NOP14: variants seen among roughly 807,000 people sequenced by gnomAD.
NOP14 encodes NOP14 nucleolar protein.
Under a neutral mutation model 101.6 loss-of-function variants are expected in NOP14, and 57 were observed. That is an observed-to-expected ratio of 0.56 (90% CI 0.45 to 0.70). NOP14 has a LOEUF of 0.70. Among genes scored for constraint, NOP14 ranks in the 30% least tolerant of loss-of-function variants. The pLI, the probability that NOP14 is intolerant of heterozygous loss-of-function variation, is 0.00. For synonymous variants in NOP14, 428 were observed against 424.0 expected (o/e 1.01, Z -0.12); for missense variants, 1,134 against 1,075.5 (o/e 1.05, Z -0.76).
At chr4:2,945,279 C>A in intron 11 of NOP14, 50 bp from the exon 12 acceptor site, 2 of 1,349,440 alleles carry the variant, frequency 1.5e-6, no homozygotes, top group Non-Finnish European at 2.1e-6. Flanking sequence ...GAAGTCCATC[C>A]ATATGCCCTC....
chr4:2,952,944 C>A (rs1321039576), intron 5 of NOP14, among the ~76,000 whole-genome samples: 2 of 152,174 alleles, frequency 1.3e-5, no homozygotes, highest in East Asian at 3.8e-4. Context: ...CCGTCTCAAA[C>A]AACAACAAAA....
At chr4:2,950,889 TGAGA>T in intron 7 of NOP14, 1 of 260,938 alleles carries the variant, frequency 3.8e-6, no homozygotes, top group Non-Finnish European at 6.7e-6. Context: ...AGAGAGAGAG[TGAGA>T]AAGAGAGCGT....
Position 2,938,336 on chromosome 4 carries a change from C to G in NOP14, c.*495G>C, listed in dbSNP as rs1415790633. 1 of 591,364 alleles carries G rather than the reference C, an allele frequency of 1.7e-6. No individual in the cohort carries two copies. Among genetic ancestry groups the G allele is most frequent in the Non-Finnish European group, 2.8e-6 (1 of 359,632 alleles). The allele number at this position is 591,364 out of a possible 1,614,324, so 36.6% of individuals were successfully genotyped here. A position where few individuals can be genotyped will look rare whatever the true frequency, so the allele number is the denominator to read the frequency against. On this transcript the variant is annotated 3_prime_UTR_variant, in exon 18 of 18. Coordinates refer to ENST00000416614, the MANE Select transcript of NOP14 (RefSeq NM_001291978.2). ...GGGAATTCGAGACCAGCCTGACCAACATGGAGAAACCCCGTCTCTACTAAA... is the reference window on the plus strand; with the variant it reads ...GGGAATTCGAGACCAGCCTGACCAAGATGGAGAAACCCCGTCTCTACTAAA...
intron 5 of NOP14, among the ~76,000 whole-genome samples, chr4:2,953,007 C>T (rs1044164616): frequency 9.9e-5 from 15 of 152,194 alleles, no homozygotes; most frequent in Non-Finnish European, 8.8e-5. Context: ...AGTAAAGTAA[C>T]GGTAACATCA....
rs915862943 is a variant in NOP14, at chr4:2,938,596, A to G, written c.*235T>C. 2.5e-5 allele frequency: 13 copies of G among 528,090 alleles called. No individual in the cohort carries two copies. The highest frequency in any genetic ancestry group is 6.7e-5 in the Admixed American group (2 of 30,032). The allele number at this position is 528,090 out of a possible 1,614,324, so 32.7% of individuals were successfully genotyped here. ...CAATCACGGCTCACTGTAACCTTGG[A>G]CTCAGCTCAAGCAGTCCTCCTGCTT... On this transcript the variant is annotated 3_prime_UTR_variant, in exon 18 of 18. Transcript: ENST00000416614.
intron 6 of NOP14, 113 bp from the exon 7 acceptor site, chr4:2,951,358 G>T: frequency 1.2e-6 from 1 of 860,526 alleles, no homozygotes; most frequent in Non-Finnish European, 1.8e-6. Context: ...CCAGCTCTGA[G>T]GCTGGTGCAT....
chr4:2,963,354 C>A lies in NOP14; in HGVS notation c.-35G>T. 6.6e-7 allele frequency: 1 copy of A among 1,518,130 alleles called. No homozygotes were observed. The highest frequency in any genetic ancestry group is 8.8e-7 in the Non-Finnish European group (1 of 1,141,634). 94.0% of individuals were successfully genotyped at this position (1,518,130 alleles called of 1,614,324 possible). On this transcript the variant is annotated 5_prime_UTR_variant, in exon 1 of 18. Transcript: ENST00000416614. ...CCCGCTGCGCCCAAGGGCCCGAGAC[C>A]CGAAGAGAGACAGGCGCGCGCTACC...
intron 8 of NOP14, among the ~76,000 whole-genome samples, chr4:2,949,445 C>T (rs1714866943): frequency 6.6e-6 from 1 of 152,136 alleles, no homozygotes; most frequent in African/African-American, 2.4e-5. Context: ...GCTCAAGTGA[C>T]CCACCCACCT....
At position 2,952,296 on chromosome 4, in the gene NOP14, C is replaced by T. The variant is rs1408301827; in HGVS notation, c.849G>A (p.Gln283=). The part of the protein sequence containing the change: ...KTEAELAKEE[Q]EHLRKLEAER... ...CTACCTCCAGCTTCCTGAGGTGCTC[C>T]TGCTCTTCCTTTGCCAATTCTGCCT... The change falls in exon 6 of 18, where the codon CAG becomes CAA. Residue 283 remains glutamine, a synonymous_variant. Coordinates refer to ENST00000416614, the MANE Select transcript of NOP14 (RefSeq NM_001291978.2). 2 of 1,613,798 alleles carry T rather than the reference C, an allele frequency of 1.2e-6. No individual in the cohort carries two copies. The highest frequency in any genetic ancestry group is 1.7e-6 in the Non-Finnish European group (2 of 1,179,828).
At position 2,959,486 on chromosome 4, in the gene NOP14, A is replaced by G. The variant is rs371718980; in HGVS notation, c.196-1746T>C. Reference sequence around the variant, plus strand: ...CGGGCGCCTGTAGTCCCAGCTACTCAGGAGGCTGAGGCAGGAGAATGGCGT... The same window carrying G: ...CGGGCGCCTGTAGTCCCAGCTACTCGGGAGGCTGAGGCAGGAGAATGGCGT... On this transcript the variant is annotated intron_variant, in intron 1 of 17. Coordinates refer to ENST00000416614, the MANE Select transcript of NOP14 (RefSeq NM_001291978.2). 7.0e-4 allele frequency among the ~76,000 whole-genome samples: 106 copies of G among 152,204 alleles called. 2 individuals carry two copies. Among genetic ancestry groups the G allele is most frequent in the African/African-American group, 1.3e-3 (56 of 41,532 alleles).
Position 2,944,167 on chromosome 4 carries a change from C to G in NOP14, c.1797G>C (p.Leu599=). ...VKGLFVCCLF[L]EYVALSQRFI... is the part of the protein sequence containing the mutation. ...ACCTCTGGGACAAAGCCACATACTC[C>G]AGGAACAGGCAGCACACGAACAGGC... Residue 599 remains leucine (L), a synonymous_variant, in exon 13 of 18, where the codon CTG becomes CTC. Coordinates refer to ENST00000416614, the MANE Select transcript of NOP14 (RefSeq NM_001291978.2). 2 of 1,614,098 alleles carry G rather than the reference C, an allele frequency of 1.2e-6. No individual in the cohort carries two copies. Among genetic ancestry groups the G allele is most frequent in the Non-Finnish European group, 1.7e-6 (2 of 1,179,996 alleles).
At position 2,963,385 on chromosome 4, in the gene NOP14, A is replaced by G. The variant is rs1716335272; in HGVS notation, c.-66T>C. The G allele has an allele frequency of 7.6e-6, 11 of 1,438,668 alleles. No homozygotes were observed. The highest frequency in any genetic ancestry group is 1.0e-5 in the Non-Finnish European group (11 of 1,097,270). The allele number at this position is 1,438,668 out of a possible 1,614,324, so 89.1% of individuals were successfully genotyped here. On this transcript the variant is annotated 5_prime_UTR_variant, in exon 1 of 18. Coordinates refer to ENST00000416614, the MANE Select transcript of NOP14 (RefSeq NM_001291978.2). Reference sequence around the variant, plus strand: ...AGAGACAGGCGCGCGCTACCCTAAGACACGTGCCGGGCCGCGGAACCGCTT... The same window carrying G: ...AGAGACAGGCGCGCGCTACCCTAAGGCACGTGCCGGGCCGCGGAACCGCTT...
At chr4:2,950,882 G>A in intron 7 of NOP14, 1 of 428,180 alleles carries the variant, frequency 2.3e-6, no homozygotes, top group East Asian at 4.0e-5. Flanking sequence ...GAGACAGAGA[G>A]AGAGAGTGAG....
intron 1 of NOP14, among the ~76,000 whole-genome samples, chr4:2,959,819 C>T (rs1219113316): frequency 1.3e-5 from 2 of 152,190 alleles, no homozygotes; most frequent in Non-Finnish European, 2.9e-5. Context: ...CTTCACCATT[C>T]TTTATCCGCA....
rs549349212 is a variant in NOP14 at position 2,945,043 on chromosome 4, A to G, written c.1737+85T>C. The G allele has an allele frequency of 3.2e-5, 29 of 915,650 alleles. No homozygotes were observed. The South Asian group carries it at 3.4e-4, about 11-fold the overall frequency. The allele number at this position is 915,650 out of a possible 1,614,324, so 56.7% of individuals were successfully genotyped here. On this transcript the variant is annotated intron_variant, in intron 12 of 17. Transcript: ENST00000416614. Reference sequence around the variant, plus strand: ...CTGCAGCCCTTAAACAGCCACACTCATGTTCCACAAGGCCCCGAGGGGCTG... The same window carrying G: ...CTGCAGCCCTTAAACAGCCACACTCGTGTTCCACAAGGCCCCGAGGGGCTG...
At position 2,955,630 on chromosome 4, in the gene NOP14, C is replaced by T. The variant is rs930025255; in HGVS notation, c.472+1040G>A. Among the ~76,000 whole-genome samples, 5 of 152,372 alleles carry T rather than the reference C, an allele frequency of 3.3e-5. No homozygotes were observed. The South Asian group carries it at 1.0e-3, about 32-fold the overall frequency. On this transcript the variant is annotated intron_variant, in intron 3 of 17. Coordinates refer to ENST00000416614, the MANE Select transcript of NOP14 (RefSeq NM_001291978.2). ...GGCAATGAGGGGAAGGCCACTCGCC[C>T]AACTCACACCAAGGCAGTTACCTCC...
intron 15 of NOP14, 148 bp downstream of exon 15, chr4:2,941,434 G>T: frequency 1.4e-6 from 1 of 715,294 alleles, no homozygotes; most frequent in Non-Finnish European, 2.3e-6. Flanking sequence ...CCACTCTTAT[G>T]ATTTTACTTC....
At chr4:2,959,436 CA>C (rs369408753) in intron 1 of NOP14, among the ~76,000 whole-genome samples, 1,679 of 151,870 alleles carry the variant, frequency 0.011, 14 homozygotes, top group Non-Finnish European at 0.016. Context: ...ACTAAAAATA[CA>C]AAAAAATTAG....
chr4:2,945,977 A>AG (rs1714592847), intron 11 of NOP14, among the ~76,000 whole-genome samples: 2 of 97,720 alleles, frequency 2.0e-5, no homozygotes, highest in Non-Finnish European at 4.2e-5. Context: ...ACTGCCGTGC[A>AG]CTCTCACTCC....
Sources: allele counts gnomAD v4.1 joint callset (sites outside exome capture counted in the v4.1 genomes callset), GRCh38; gene constraint gnomAD v4.1.1; transcripts MANE v1.5; gene names NCBI Gene and HGNC (gene_info 2026-07-23, HGNC 2026-07-21).